The following SLC25A51 variants were observed in gnomAD, a reference collection of about 807,000 sequenced individuals.
The protein encoded by SLC25A51 is solute carrier family 25 member 51.
Under a neutral mutation model 19.1 loss-of-function variants are expected in SLC25A51, and 11 were observed. That is an observed-to-expected ratio of 0.58 (90% confidence interval 0.36 to 0.96). The LOEUF is 0.96. SLC25A51 is among the 40% of genes least tolerant of loss of function. The pLI, the probability that SLC25A51 is intolerant of heterozygous loss-of-function variation, is 0.01. For synonymous variants in SLC25A51, 105 were observed against 133.6 expected (o/e 0.79, Z 1.47); for missense variants, 201 against 365.4 (o/e 0.55, Z 3.67).
At chr9:37,885,791 G>A (rs1045553068), downstream of SLC25A51, 2 of 1,596,580 alleles carry the variant, frequency 1.3e-6, no homozygotes, top group East Asian at 2.2e-5. Flanking sequence ...TTAGTAAAGT[G>A]GCCAACGCAA....
chr9:37,895,141 C>T (rs926777835), intron 2 of SLC25A51, among the ~76,000 whole-genome samples: 8 of 151,976 alleles, frequency 5.3e-5, no homozygotes, highest in African/African-American at 1.7e-4. Context: ...TTCTATTTCG[C>T]CTTTAAACAA....
intron 2 of SLC25A51, among the ~76,000 whole-genome samples, chr9:37,882,017 G>C (rs1008126635): frequency 7.9e-5 from 12 of 152,226 alleles, no homozygotes; most frequent in African/African-American, 2.6e-4. Context: ...AAATAGCATT[G>C]TGCACTTAAC....
intron 2 of SLC25A51, among the ~76,000 whole-genome samples, chr9:37,892,101 C>T (rs1304224558): frequency 6.6e-5 from 10 of 151,928 alleles, no homozygotes; most frequent in Admixed American, 3.3e-4. Flanking sequence ...GGTATTTAGA[C>T]GCAAAGTAAA....
At chr9:37,898,295 C>G (rs1831765185) in intron 2 of SLC25A51, among the ~76,000 whole-genome samples, 1 of 152,184 alleles carries the variant, frequency 6.6e-6, no homozygotes, top group African/African-American at 2.4e-5. Context: ...GTGGCTCACG[C>G]CTGTAATCCC....
intron 2 of SLC25A51, among the ~76,000 whole-genome samples, chr9:37,890,176 G>A (rs1283035753): frequency 2.0e-5 from 3 of 151,982 alleles, no homozygotes; most frequent in Admixed American, 6.6e-5. Flanking sequence ...CTTGAATCAC[G>A]AGTTTGAGAC....
At chr9:37,889,923 C>T (rs1039122051) in intron 2 of SLC25A51, among the ~76,000 whole-genome samples, 1 of 151,888 alleles carries the variant, frequency 6.6e-6, no homozygotes, top group Non-Finnish European at 1.5e-5. Flanking sequence ...TCTTGGAAAT[C>T]ACCTTTATTT....
At chr9:37,887,563 G>T, downstream of SLC25A51, 4 of 1,399,668 alleles carry the variant, frequency 2.9e-6, no homozygotes, top group Non-Finnish European at 3.8e-6. Flanking sequence ...AATAAGATTG[G>T]GATTTCCTTT....
At chr9:37,900,065 T>C (rs1429605487) in intron 1 of SLC25A51, 115 bp from the exon 2 acceptor site, 1 of 127,716 alleles carries the variant, frequency 7.8e-6, no homozygotes, top group Non-Finnish European at 1.6e-5. Context: ...CTCAAACTCC[T>C]GGGCTCAAGT....
chr9:37,883,626 C>G (rs980684350), downstream of SLC25A51, among the ~76,000 whole-genome samples: 1 of 152,206 alleles, frequency 6.6e-6, no homozygotes, highest in African/African-American at 2.4e-5. Flanking sequence ...CCCACCTGCC[C>G]TGGGCTGAGT....
intron 2 of SLC25A51, among the ~76,000 whole-genome samples, chr9:37,895,497 G>A (rs1261781667): frequency 2.0e-5 from 3 of 151,736 alleles, no homozygotes; most frequent in Non-Finnish European, 4.4e-5. Flanking sequence ...CACCTTGCCT[G>A]CCATTTAAAA....
At position 37,892,741 on chromosome 9, in the gene SLC25A51, T is replaced by TC. The variant is rs1181375337; in HGVS notation, c.-42-4150_-42-4149insG. Among the ~76,000 whole-genome samples, 3 of 138,980 alleles carry TC rather than the reference T, an allele frequency of 2.2e-5. No individual in the cohort carries two copies. In the East Asian group the frequency reaches 6.0e-4, roughly 28 times the overall value. The allele number at this position is 138,980 out of a possible 152,430, so 91.2% of individuals were successfully genotyped here. ...GGCACATGCCACCACACCTGGTTAA[T>TC]TTTTTTTTTTTTCTTTTAGATGGAG... On this transcript the variant is annotated intron_variant, in intron 2 of 2. Transcript: ENST00000242275.
downstream of SLC25A51, chr9:37,879,184 G>A: frequency 3.3e-6 from 1 of 303,558 alleles, no homozygotes. Context: ...AGTATGAAGG[G>A]GTGGCAGTCG....
At chr9:37,889,770 A>T (rs1202178681) in intron 2 of SLC25A51, among the ~76,000 whole-genome samples, 1 of 149,278 alleles carries the variant, frequency 6.7e-6, no homozygotes, top group Non-Finnish European at 1.5e-5. Context: ...AACTAAGCCA[A>T]AGTTCCACCC....
downstream of SLC25A51, among the ~76,000 whole-genome samples, chr9:37,883,173 T>C (rs1461346039): frequency 6.6e-6 from 1 of 152,194 alleles, no homozygotes; most frequent in Non-Finnish European, 1.5e-5. Context: ...ACCACACTAG[T>C]TCACACTGAA....
intron 2 of SLC25A51, among the ~76,000 whole-genome samples, chr9:37,890,516 C>A (rs1037958000): frequency 2.0e-5 from 3 of 152,114 alleles, no homozygotes; most frequent in Non-Finnish European, 4.4e-5. Context: ...CCAGCCTGGG[C>A]AACATAGTGA....
chr9:37,896,061 G>A (rs978615282), intron 2 of SLC25A51, among the ~76,000 whole-genome samples: 7 of 152,100 alleles, frequency 4.6e-5, no homozygotes, highest in African/African-American at 1.7e-4. Flanking sequence ...TGACCTGCCT[G>A]CCTCGGCTTC....
chr9:37,887,477 G>A, downstream of SLC25A51: 3 of 668,196 alleles, frequency 4.5e-6, no homozygotes, highest in East Asian at 8.5e-5. Context: ...TTGTGTGGTA[G>A]GACTTGGAGG....
chr9:37,882,812 T>TAAAGCTTTTC (rs1831374630), downstream of SLC25A51, among the ~76,000 whole-genome samples: 1 of 152,210 alleles, frequency 6.6e-6, no homozygotes, highest in Non-Finnish European at 1.5e-5. Flanking sequence ...AGGCCACTTT[T>TAAAGCTTTTC]AAAGCTTTTC....
chr9:37,886,878 G>A (rs1341010930), downstream of SLC25A51, among the ~76,000 whole-genome samples: 1 of 152,056 alleles, frequency 6.6e-6, no homozygotes, highest in Non-Finnish European at 1.5e-5. Context: ...AAAAGTATAA[G>A]CCTGGCTGGG....
Sources: allele counts gnomAD v4.1 joint callset (sites outside exome capture counted in the v4.1 genomes callset), GRCh38; gene constraint gnomAD v4.1.1; transcripts MANE v1.5; gene names NCBI Gene and HGNC (gene_info 2026-07-23, HGNC 2026-07-21).